PCLO: variants seen among roughly 807,000 people sequenced by gnomAD.
The protein encoded by PCLO is piccolo presynaptic cytomatrix protein, also known as protein piccolo.
A neutral mutation model predicts 427.5 loss-of-function variants in PCLO; 82 were observed. That is an observed-to-expected ratio of 0.19 (90% CI 0.16 to 0.23). The LOEUF (loss-of-function observed/expected upper bound fraction) is 0.23, where lower values mean the gene tolerates loss of function less well. PCLO is among the 10% of genes least tolerant of loss of function. PCLO has a pLI of 1.00. For missense variants in PCLO, 6,239 were observed against 6,115.9 expected, an observed-to-expected ratio of 1.02 and a Z score of -0.67; for synonymous variants, 2,357 against 2,155.4, an observed-to-expected ratio of 1.09 and a Z score of -2.59.
At chr7:82,999,250 G>T (rs1480446212) in intron 3 of PCLO, among the ~76,000 whole-genome samples, 1 of 139,100 alleles carries the variant, frequency 7.2e-6, no homozygotes, top group Admixed American at 7.5e-5. Flanking sequence ...AAATATATAT[G>T]GATATATAAT....
At chr7:83,117,441 C>T (rs897272582) in intron 3 of PCLO, among the ~76,000 whole-genome samples, 3 of 152,194 alleles carry the variant, frequency 2.0e-5, no homozygotes, top group South Asian at 2.1e-4. Flanking sequence ...TTCTCCCACA[C>T]ATCTTGCTGT....
At chr7:82,770,257 A>T (rs1790621809) in intron 22 of PCLO, among the ~76,000 whole-genome samples, 1 of 150,652 alleles carries the variant, frequency 6.6e-6, no homozygotes, top group African/African-American at 2.5e-5. Context: ...TTCTTTTTTT[A>T]AAAATTAGAT....
chr7:82,866,655 T>TACACAC lies in PCLO; in HGVS notation c.13654+12676_13654+12681dup, dbSNP rs71096605. ...CTTCACTACTCTCAATGAAATTTTA[T>TACACAC]ACACACACACACACACACACACACA... On this transcript the variant is annotated intron_variant, in intron 10 of 24. Transcript: ENST00000333891. Among the ~76,000 whole-genome samples the TACACAC allele has an allele frequency of 6.0e-3, 864 of 143,182 alleles. 7 individuals carry two copies. Among genetic ancestry groups the TACACAC allele is most frequent in the Admixed American group, 0.01 (146 of 14,002 alleles). The allele number at this position is 143,182 out of a possible 152,430, so 93.9% of individuals were successfully genotyped here. A position where few individuals can be genotyped will look rare whatever the true frequency, so the allele number is the denominator to read the frequency against.
At chr7:82,994,613 G>T (rs1372120684) in intron 3 of PCLO, among the ~76,000 whole-genome samples, 1 of 95,822 alleles carries the variant, frequency 1.0e-5, no homozygotes, top group South Asian at 4.0e-4. Flanking sequence ...GGGGTTCATA[G>T]TAGGTATATA....
rs781597004 is a variant in PCLO at position 82,956,236 on chromosome 7, C to G, written c.4717G>C (p.Glu1573Gln). Residue 1573 changes from glutamate to glutamine, a missense_variant, in exon 5 of 25, where the codon GAA becomes CAA. By Grantham distance (29) the Glu-to-Gln change is conservative. Transcript: ENST00000333891. ...MSADEDASGS[E>Q]DDEFIRNQLK... Reference sequence around the variant, plus strand: ...TGGTTTCTGATGAACTCATCATCTTCAGAACCTGAAGCATCTTCATCAGCA... The same window carrying G: ...TGGTTTCTGATGAACTCATCATCTTGAGAACCTGAAGCATCTTCATCAGCA... 13 of 1,611,278 alleles carry G rather than the reference C, an allele frequency of 8.1e-6. No individual in the cohort carries two copies. The highest frequency in any genetic ancestry group is 1.0e-5 in the Non-Finnish European group (12 of 1,179,848).
At chr7:82,918,158 AGTTT>A (rs1254817278) in intron 6 of PCLO, among the ~76,000 whole-genome samples, 1 of 151,992 alleles carries the variant, frequency 6.6e-6, no homozygotes, top group East Asian at 1.9e-4. Context: ...TTGTAGCGGT[AGTTT>A]GTTTTTCCTC....
At chr7:82,790,110 C>T (rs1012006011) in intron 22 of PCLO, among the ~76,000 whole-genome samples, 1 of 152,060 alleles carries the variant, frequency 6.6e-6, no homozygotes, top group African/African-American at 2.4e-5. Flanking sequence ...CTTTTCGCAC[C>T]TCTGCCCCTG....
At chr7:82,888,965 C>T (rs79538729) in intron 9 of PCLO, among the ~76,000 whole-genome samples, 9,669 of 150,376 alleles carry the variant, frequency 0.064, 411 homozygotes, top group East Asian at 0.19. Flanking sequence ...GCCCCACCCC[C>T]GCCAACTCTG....
At chr7:83,039,601 C>T (rs141470320) in intron 3 of PCLO, among the ~76,000 whole-genome samples, 58 of 152,132 alleles carry the variant, frequency 3.8e-4, no homozygotes, top group African/African-American at 1.4e-3. Context: ...TTTACTGCTG[C>T]TTTGTAGTAA....
intron 3 of PCLO, among the ~76,000 whole-genome samples, chr7:83,053,410 C>A (rs117126165): frequency 6.0e-4 from 91 of 151,976 alleles, no homozygotes; most frequent in Non-Finnish European, 1.1e-3. Context: ...AACCTATATC[C>A]CAATAACTAG....
chr7:83,082,550 A>G (rs949167919), intron 3 of PCLO, among the ~76,000 whole-genome samples: 1 of 151,754 alleles, frequency 6.6e-6, no homozygotes. Flanking sequence ...TAGAAAATAG[A>G]GTTAGAAATA....
chr7:83,088,265 A>T (rs1452547019), intron 3 of PCLO, among the ~76,000 whole-genome samples: 3 of 152,156 alleles, frequency 2.0e-5, no homozygotes, highest in African/African-American at 7.2e-5. Flanking sequence ...AAAGCTGAGG[A>T]AAAAGAAGAG....
chr7:82,854,271 A>C (rs1792743996), intron 10 of PCLO, among the ~76,000 whole-genome samples: 1 of 152,056 alleles, frequency 6.6e-6, no homozygotes, highest in African/African-American at 2.4e-5. Context: ...TTAACTCTGC[A>C]TGGGACATCC....
chr7:82,900,621 T>C (rs564170439), intron 9 of PCLO, among the ~76,000 whole-genome samples: 11 of 151,742 alleles, frequency 7.2e-5, no homozygotes, highest in African/African-American at 2.2e-4. Flanking sequence ...CAAGGGATGA[T>C]TGAGGACCTA....
At chr7:82,914,087 G>A (rs546165189) in intron 7 of PCLO, among the ~76,000 whole-genome samples, 104 of 152,006 alleles carry the variant, frequency 6.8e-4, no homozygotes, top group African/African-American at 2.2e-3. Context: ...TTCATAATGA[G>A]AGAGAAAGAT....
chr7:83,005,411 G>T (rs1251357744), intron 3 of PCLO, among the ~76,000 whole-genome samples: 1 of 151,606 alleles, frequency 6.6e-6, no homozygotes, highest in Non-Finnish European at 1.5e-5. Flanking sequence ...GCCAGGGGCT[G>T]GAAGTTGAAA....
intron 22 of PCLO, among the ~76,000 whole-genome samples, chr7:82,770,344 G>A (rs948761109): frequency 7.9e-5 from 12 of 151,922 alleles, no homozygotes. Flanking sequence ...AATATGGAAT[G>A]TTTAAATCAT....
At chr7:82,919,360 G>A (rs1318718207) in intron 6 of PCLO, among the ~76,000 whole-genome samples, 5 of 151,980 alleles carry the variant, frequency 3.3e-5, no homozygotes, top group South Asian at 2.1e-4. Context: ...AGGTAATGGA[G>A]TGAATGTGTT....
At chr7:82,947,111 C>A (rs1795221423) in intron 6 of PCLO, among the ~76,000 whole-genome samples, 1 of 152,244 alleles carries the variant, frequency 6.6e-6, no homozygotes, top group South Asian at 2.1e-4. Flanking sequence ...CATTTATTCC[C>A]TCTAGTTACA....
Sources: allele counts gnomAD v4.1 joint callset (sites outside exome capture counted in the v4.1 genomes callset), GRCh38; gene constraint gnomAD v4.1.1; transcripts MANE v1.5; gene names NCBI Gene and HGNC (gene_info 2026-07-23, HGNC 2026-07-21).